SEMA6D: variants seen among roughly 807,000 people sequenced by gnomAD.
SEMA6D encodes the protein semaphorin-6D.
A neutral mutation model predicts 106.6 loss-of-function variants in SEMA6D; 35 were observed. The ratio of observed to expected loss-of-function variants is 0.33; its 90% CI spans 0.25 to 0.44. The LOEUF is 0.44. SEMA6D is among the 20% of genes least tolerant of loss of function. The pLI, the probability that SEMA6D is intolerant of heterozygous loss-of-function variation, is 1.00. For missense variants in SEMA6D, 1,185 were observed against 1,345.9 expected (o/e 0.88, Z 1.87); for synonymous variants, 499 against 487.7 (o/e 1.02, Z -0.31).
At chr15:47,373,343 A>G (rs1295322260) in intron 1 of SEMA6D, among the ~76,000 whole-genome samples, 2 of 152,318 alleles carry the variant, frequency 1.3e-5, no homozygotes, top group Middle Eastern at 3.4e-3. Flanking sequence ...TTTAAAAGAA[A>G]CTTGGACAGA....
chr15:47,453,742 G>T (rs1030826825), intron 2 of SEMA6D, among the ~76,000 whole-genome samples: 1 of 151,914 alleles, frequency 6.6e-6, no homozygotes. Flanking sequence ...AAAAGATGGC[G>T]TAGAAGAGAG....
Position 47,313,144 on chromosome 15 carries a change from A to G in SEMA6D, c.-238-99249A>G, listed in dbSNP as rs180980303. ...GACACATCATAATTGCCCAAACTTC[A>G]TAGTTTATGTTAGGTTTCTCTGTGC... On this transcript the variant is annotated intron_variant, in intron 1 of 19. Coordinates refer to the SEMA6D transcript ENST00000558014. Among the ~76,000 whole-genome samples, 6 of 152,250 alleles carry G rather than the reference A, an allele frequency of 3.9e-5. No homozygotes were observed. The East Asian group carries it at 1.2e-3, about 29-fold the overall frequency.
At chr15:47,391,400 C>CA (rs2040025368) in intron 1 of SEMA6D, among the ~76,000 whole-genome samples, 1 of 44,938 alleles carries the variant, frequency 2.2e-5, no homozygotes, top group Non-Finnish European at 3.5e-5. Flanking sequence ...AGTCTTCCAG[C>CA]TTCCTGCTGG....
intron 4 of SEMA6D, among the ~76,000 whole-genome samples, chr15:47,672,257 T>G (rs1284727364): frequency 6.6e-6 from 1 of 152,198 alleles, no homozygotes; most frequent in Admixed American, 6.5e-5. Flanking sequence ...GCTAAGCATT[T>G]TGTGTCTGAC....
intron 4 of SEMA6D, among the ~76,000 whole-genome samples, chr15:47,678,986 C>G (rs1259004612): frequency 6.6e-6 from 1 of 152,160 alleles, no homozygotes; most frequent in African/African-American, 2.4e-5. Context: ...AAGATATTTT[C>G]TGTCCTTACG....
chr15:47,210,038 A>G (rs1483602071), intron 1 of SEMA6D, among the ~76,000 whole-genome samples: 2 of 152,236 alleles, frequency 1.3e-5, no homozygotes, highest in South Asian at 2.1e-4. Context: ...TTTACTTCCA[A>G]TAGATGTCCT....
chr15:47,523,604 A>T (rs1439196485), intron 3 of SEMA6D, among the ~76,000 whole-genome samples: 1 of 152,194 alleles, frequency 6.6e-6, no homozygotes, highest in African/African-American at 2.4e-5. Context: ...GACTCAACAA[A>T]GCCTGCTCCC....
chr15:47,315,710 T>C (rs566418715), intron 1 of SEMA6D, among the ~76,000 whole-genome samples: 185 of 152,360 alleles, frequency 1.2e-3, no homozygotes, highest in Admixed American at 2.2e-3. Flanking sequence ...TTGATAATAC[T>C]GAGTCTTTCT....
At chr15:47,195,273 T>C (rs1894259753) in intron 1 of SEMA6D, among the ~76,000 whole-genome samples, 1 of 152,118 alleles carries the variant, frequency 6.6e-6, no homozygotes, top group Non-Finnish European at 1.5e-5. Context: ...CAATGTGCTG[T>C]GTGAAGACCC....
At chr15:47,496,020 G>T (rs2043644984) in intron 3 of SEMA6D, among the ~76,000 whole-genome samples, 1 of 151,968 alleles carries the variant, frequency 6.6e-6, no homozygotes, top group Admixed American at 6.6e-5. Context: ...AATTCTCTAA[G>T]GGAGACAGAA....
intron 1 of SEMA6D, among the ~76,000 whole-genome samples, chr15:47,322,451 C>A (rs532757343): frequency 9.8e-4 from 149 of 152,124 alleles, no homozygotes; most frequent in African/African-American, 3.5e-3. Flanking sequence ...TGTACAATAT[C>A]TATCAATTTA....
chr15:47,416,752 C>T (rs1400130278), intron 2 of SEMA6D, among the ~76,000 whole-genome samples: 1 of 152,054 alleles, frequency 6.6e-6, no homozygotes, highest in African/African-American at 2.4e-5. Context: ...GACAGAGATT[C>T]TAGTAGGGTC....
Position 47,323,963 on chromosome 15 carries a change from CA to C in SEMA6D, c.-238-88429del, listed in dbSNP as rs369688558. On this transcript the variant is annotated intron_variant, in intron 1 of 19. Transcript: ENST00000558014. ...AGAAAGACAGTAAATTTGTTTGGGA[CA>C]CAATTGACATATACAAGTGGCAAAA... 4.0e-3 allele frequency among the ~76,000 whole-genome samples: 575 copies of C among 144,584 alleles called. 2 individuals carry two copies. Among genetic ancestry groups the C allele is most frequent in the African/African-American group, 0.014 (547 of 38,680 alleles). 94.9% of individuals were successfully genotyped at this position (144,584 alleles called of 152,430 possible). A position where few individuals can be genotyped will look rare whatever the true frequency, so the allele number is the denominator to read the frequency against.
intron 1 of SEMA6D, among the ~76,000 whole-genome samples, chr15:47,290,677 T>A (rs2142818856): frequency 6.6e-6 from 1 of 152,150 alleles, no homozygotes; most frequent in East Asian, 1.9e-4. Context: ...TCCTTTCTGC[T>A]ACACTAGTGT....
intron 1 of SEMA6D, among the ~76,000 whole-genome samples, chr15:47,199,094 T>C (rs4774488): frequency 0.37 from 56,765 of 151,832 alleles, 10,966 homozygotes; most frequent in Middle Eastern, 0.52. Flanking sequence ...ATTAAAAGTT[T>C]CTGTATGTAA....
At chr15:47,630,963 C>CA (rs1447131928) in intron 4 of SEMA6D, among the ~76,000 whole-genome samples, 2 of 151,746 alleles carry the variant, frequency 1.3e-5, no homozygotes, top group Non-Finnish European at 3.0e-5. Context: ...GCTCATGGTG[C>CA]ATAATTCTTT....
At chr15:47,659,296 T>C (rs921985227) in intron 4 of SEMA6D, among the ~76,000 whole-genome samples, 3 of 151,898 alleles carry the variant, frequency 2.0e-5, no homozygotes, top group Non-Finnish European at 2.9e-5. Context: ...TAGATCCAAG[T>C]CTATTGAGAA....
At position 47,764,907 on chromosome 15, in the gene SEMA6D, G is replaced by T; in HGVS notation, c.1278G>T (p.Val426=). ...RVRYRLTAIS[V]DHSAGPYQNY... ...GGTACAGACTGACGGCCATCTCAGTGGACCATTCAGCCGGACCCTACCAGA... is the reference window on the plus strand; with the variant it reads ...GGTACAGACTGACGGCCATCTCAGTTGACCATTCAGCCGGACCCTACCAGA... The change falls in exon 13 of 19, where the codon GTG becomes GTT. Residue 426 remains valine, a synonymous_variant. Transcript: ENST00000536845. 1 of 1,613,676 alleles carries T rather than the reference G, an allele frequency of 6.2e-7. No individual in the cohort carries two copies. Among genetic ancestry groups the T allele is most frequent in the Non-Finnish European group, 8.5e-7 (1 of 1,179,812 alleles).
chr15:47,357,773 A>G (rs114316553), intron 1 of SEMA6D, among the ~76,000 whole-genome samples: 1,968 of 152,258 alleles, frequency 0.013, 53 homozygotes, highest in African/African-American at 0.045. Context: ...CAAAGGATCA[A>G]TACTTGCATC....
Sources: gnomAD v4.1 joint callset for allele counts (sites outside exome capture counted in the v4.1 genomes callset) on GRCh38, gnomAD v4.1.1 for gene constraint, MANE v1.5 for transcripts, NCBI Gene and HGNC (gene_info 2026-07-23, HGNC 2026-07-21) for gene names.